The following SLC14A2 variants were observed in gnomAD, a reference collection of about 807,000 sequenced individuals.
SLC14A2 encodes the protein urea transporter 2.
SLC14A2 carries 91 observed loss-of-function variants against 104.6 expected under a neutral mutation model. The ratio of observed to expected loss-of-function variants is 0.87; its 90% CI spans 0.73 to 1.04. The LOEUF (loss-of-function observed/expected upper bound fraction) is 1.04. SLC14A2 is among the 50% of genes least tolerant of loss of function. SLC14A2 has a pLI of 0.00. For synonymous variants in SLC14A2, 476 were observed against 466.4 expected (o/e 1.02, Z -0.27); for missense variants, 1,189 against 1,156.0 (o/e 1.03, Z -0.41).
chr18:45,278,680 C>A (rs1360212193), intron 1 of SLC14A2, among the ~76,000 whole-genome samples: 1 of 152,052 alleles, frequency 6.6e-6, no homozygotes, highest in Non-Finnish European at 1.5e-5. Flanking sequence ...CATAGTCAGC[C>A]CTGTGAAACC....
intron 16 of SLC14A2, among the ~76,000 whole-genome samples, chr18:45,670,553 C>T (rs909980598): frequency 1.3e-5 from 2 of 152,254 alleles, no homozygotes; most frequent in African/African-American, 2.4e-5. Flanking sequence ...AATGATGCCT[C>T]GTTTCTCTTA....
intron 1 of SLC14A2, among the ~76,000 whole-genome samples, chr18:45,323,412 G>GTATT (rs2085204096): frequency 2.6e-5 from 4 of 152,150 alleles, no homozygotes; most frequent in Admixed American, 2.6e-4. Flanking sequence ...CTCCCTGAAA[G>GTATT]TATTTGCCCA....
chr18:45,635,904 A>T (rs936788588), intron 5 of SLC14A2, among the ~76,000 whole-genome samples: 2 of 152,242 alleles, frequency 1.3e-5, no homozygotes, highest in African/African-American at 2.4e-5. Flanking sequence ...AGGAGCAGGG[A>T]TGCTTCCATT....
intron 1 of SLC14A2, among the ~76,000 whole-genome samples, chr18:45,213,677 T>C (rs527453010): frequency 1.0e-3 from 152 of 152,304 alleles, no homozygotes; most frequent in African/African-American, 3.5e-3. Context: ...TTAAATCTTA[T>C]TGATTGGTTA....
intron 8 of SLC14A2, 142 bp from the exon 9 acceptor site, chr18:45,642,990 G>C: frequency 1.4e-6 from 1 of 696,920 alleles, no homozygotes; most frequent in African/African-American, 1.8e-5. Context: ...CATGCCAGCT[G>C]TCAGGGCATG....
chr18:45,518,599 C>G (rs1220136295), intron 2 of SLC14A2, among the ~76,000 whole-genome samples: 1 of 152,148 alleles, frequency 6.6e-6, no homozygotes, highest in Non-Finnish European at 1.5e-5. Flanking sequence ...GTTAACTTGC[C>G]TGGGGTCGCT....
At chr18:45,287,269 A>G (rs2084824012) in intron 1 of SLC14A2, among the ~76,000 whole-genome samples, 1 of 152,262 alleles carries the variant, frequency 6.6e-6, no homozygotes, top group Non-Finnish European at 1.5e-5. Flanking sequence ...AGCATTAATT[A>G]GAAAGAGGTA....
At chr18:45,393,264 G>A (rs1190020715) in intron 1 of SLC14A2, among the ~76,000 whole-genome samples, 2 of 152,200 alleles carry the variant, frequency 1.3e-5, no homozygotes, top group African/African-American at 4.8e-5. Context: ...GGAGCTGAGT[G>A]TGAATAGGGA....
intron 1 of SLC14A2, among the ~76,000 whole-genome samples, chr18:45,466,734 C>T (rs1030770977): frequency 2.0e-5 from 3 of 151,624 alleles, no homozygotes; most frequent in Non-Finnish European, 2.9e-5. Flanking sequence ...GAGTTAAATT[C>T]GGAATGCAAT....
chr18:45,464,452 C>T (rs979409894), intron 1 of SLC14A2, among the ~76,000 whole-genome samples: 3 of 152,148 alleles, frequency 2.0e-5, no homozygotes, highest in Non-Finnish European at 2.9e-5. Context: ...GTACTGTCAA[C>T]GTTCAATGAA....
At chr18:45,667,611 C>A (rs2046049194) in intron 13 of SLC14A2, among the ~76,000 whole-genome samples, 1 of 152,210 alleles carries the variant, frequency 6.6e-6, no homozygotes, top group South Asian at 2.1e-4. Context: ...AGAAAAACAA[C>A]CTGGAGGTCA....
chr18:45,540,283 T>C (rs1215870168), intron 2 of SLC14A2, among the ~76,000 whole-genome samples: 1 of 152,086 alleles, frequency 6.6e-6, no homozygotes. Context: ...GGTCTGCTCC[T>C]GCTGTTCTCA....
At chr18:45,552,899 C>T (rs745908635) in intron 2 of SLC14A2, among the ~76,000 whole-genome samples, 8 of 152,168 alleles carry the variant, frequency 5.3e-5, no homozygotes, top group Non-Finnish European at 1.0e-4. Context: ...GGCTTTAGCT[C>T]AGGGTGAGAT....
rs114031430 is a variant in SLC14A2, at chr18:45,329,208, G to T, written c.-125+116017G>T. Among the ~76,000 whole-genome samples the T allele has an allele frequency of 5.1e-3, 781 of 152,254 alleles. 6 individuals are homozygous for T. The highest frequency in any genetic ancestry group is 0.018 in the African/African-American group (742 of 41,530). Reference sequence around the variant, plus strand: ...GATTGCCAATGTCTTATTTCCTTTGGCAAGGTAGCATTTCTTCTGTATTAT... The same window carrying T: ...GATTGCCAATGTCTTATTTCCTTTGTCAAGGTAGCATTTCTTCTGTATTAT... On this transcript the variant is annotated intron_variant, in intron 1 of 20. Transcript: ENST00000586448.
chr18:45,627,170 T>C, intron 4 of SLC14A2, 23 bp downstream of exon 4: 1 of 1,601,678 alleles, frequency 6.2e-7, no homozygotes, highest in South Asian at 1.1e-5. Context: ...CTATAGGGAT[T>C]TTAGCAAGAT....
At chr18:45,285,670 C>CG (rs1568135395) in intron 1 of SLC14A2, among the ~76,000 whole-genome samples, 1 of 147,768 alleles carries the variant, frequency 6.8e-6, no homozygotes, top group Non-Finnish European at 1.5e-5. Flanking sequence ...TGCCCCCCCC[C>CG]CCCCTCGGCC....
intron 1 of SLC14A2, among the ~76,000 whole-genome samples, chr18:45,240,630 G>GT (rs375137254): frequency 0.037 from 5,297 of 141,462 alleles, 130 homozygotes; most frequent in African/African-American, 0.061. Context: ...GGGAGAAAGT[G>GT]TTTTTTTTTT....
At chr18:45,386,708 G>T (rs1232646155) in intron 1 of SLC14A2, among the ~76,000 whole-genome samples, 2 of 152,190 alleles carry the variant, frequency 1.3e-5, no homozygotes, top group Admixed American at 6.5e-5. Flanking sequence ...AGACTTTGGG[G>T]CCAGGCCGGA....
chr18:45,414,757 A>AAAAAAAAATATATAT (rs1360051908), intron 1 of SLC14A2, among the ~76,000 whole-genome samples: 2 of 76,122 alleles, frequency 2.6e-5, no homozygotes, highest in African/African-American at 1.5e-4. Context: ...AAAAAAAAAA[A>AAAAAAAAATATATAT]ATATATATAT....
Sources: allele counts gnomAD v4.1 joint callset (sites outside exome capture counted in the v4.1 genomes callset), GRCh38; gene constraint gnomAD v4.1.1; transcripts MANE v1.5; gene names NCBI Gene and HGNC (gene_info 2026-07-23, HGNC 2026-07-21).